The following TLK2 variants were observed in gnomAD, a reference collection of about 807,000 sequenced individuals.
The protein encoded by TLK2 is tousled like kinase 2.
In TLK2, 6 loss-of-function variants were observed where a neutral mutation model predicts 117.3. That is an observed-to-expected ratio of 0.05 (90% CI 0.03 to 0.10). TLK2 has a LOEUF of 0.10. Among genes scored for constraint, TLK2 ranks in the 10% least tolerant of loss-of-function variants. The pLI is 1.00. For synonymous variants in TLK2, 257 were observed against 316.7 expected (o/e 0.81, Z 2.00); for missense variants, 299 against 901.2 (o/e 0.33, Z 8.56).
intron 16 of TLK2, among the ~76,000 whole-genome samples, chr17:62,595,886 C>T (rs1429756137): frequency 6.6e-6 from 1 of 151,972 alleles, no homozygotes; most frequent in African/African-American, 2.4e-5. Flanking sequence ...TGATGTTACC[C>T]GAGCATATAT....
At chr17:62,586,367 T>G in intron 16 of TLK2, 141 bp downstream of exon 16, 1 of 626,592 alleles carries the variant, frequency 1.6e-6, no homozygotes, top group Non-Finnish European at 2.8e-6. Flanking sequence ...AAATACATTC[T>G]CAGTGTTACG....
chr17:62,573,508 C>A, intron 12 of TLK2, 141 bp downstream of exon 12: 1 of 1,164,472 alleles, frequency 8.6e-7, no homozygotes. Flanking sequence ...TGGATTTGCT[C>A]AACTCATATA....
At chr17:62,550,622 G>A (rs2078380018) in intron 7 of TLK2, 1 of 152,120 alleles carries the variant, frequency 6.6e-6, no homozygotes. Context: ...TGAGGCTGTT[G>A]TGAGCCTTCA....
At chr17:62,478,553 G>GCGCCGCCCGT (rs1435939321), upstream of TLK2, among the ~76,000 whole-genome samples, 16 of 150,194 alleles carry the variant, frequency 1.1e-4, no homozygotes, top group African/African-American at 3.6e-4. Flanking sequence ...CCGTCAGCCG[G>GCGCCGCCCGT]CGCCGCCCGT....
chr17:62,502,963 C>T (rs1434808235), intron 2 of TLK2, among the ~76,000 whole-genome samples: 1 of 151,214 alleles, frequency 6.6e-6, no homozygotes, highest in Non-Finnish European at 1.5e-5. Flanking sequence ...TGAATAAAAA[C>T]ATTGACCCGT....
intron 11 of TLK2, among the ~76,000 whole-genome samples, chr17:62,565,864 A>G (rs2079743968): frequency 6.6e-6 from 1 of 152,204 alleles, no homozygotes; most frequent in Admixed American, 6.5e-5. Context: ...AAGTTTAGGT[A>G]TAAAGCAGAA....
intron 7 of TLK2, among the ~76,000 whole-genome samples, chr17:62,541,125 G>C (rs535324674): frequency 1.6e-4 from 25 of 152,102 alleles, no homozygotes; most frequent in Admixed American, 1.2e-3. Flanking sequence ...TACCCTATTA[G>C]AGAGGCCTAC....
chr17:62,553,581 C>G (rs1210887882), intron 8 of TLK2, 82 bp from the exon 9 acceptor site: 14 of 969,772 alleles, frequency 1.4e-5, no homozygotes, highest in South Asian at 1.1e-4. Flanking sequence ...TCCCACCCCC[C>G]CGAGAAAGGT....
upstream of TLK2, among the ~76,000 whole-genome samples, chr17:62,476,583 CAAAATAAAAT>C (rs59524481): frequency 3.4e-5 from 5 of 146,928 alleles, no homozygotes; most frequent in South Asian, 6.7e-4. Flanking sequence ...ACTCTGTCAC[CAAAATAAAAT>C]AAAATAAAAT....
intron 2 of TLK2, among the ~76,000 whole-genome samples, chr17:62,498,707 A>G (rs1176716878): frequency 6.6e-6 from 1 of 151,948 alleles, no homozygotes; most frequent in Non-Finnish European, 1.5e-5. Flanking sequence ...TGTCTTTTTT[A>G]CTGTATTATT....
At chr17:62,523,458 T>C (rs931050027) in intron 5 of TLK2, among the ~76,000 whole-genome samples, 16 of 152,214 alleles carry the variant, frequency 1.1e-4, no homozygotes, top group Non-Finnish European at 2.1e-4. Context: ...CACACACTTA[T>C]AGTCCTGGCT....
intron 2 of TLK2, among the ~76,000 whole-genome samples, chr17:62,489,291 TC>T (rs930233506): frequency 6.6e-6 from 1 of 151,626 alleles, no homozygotes; most frequent in African/African-American, 2.4e-5. Context: ...ACCTCTGCCT[TC>T]TGGGCTCAAG....
At chr17:62,546,821 A>G (rs2077985788) in intron 7 of TLK2, among the ~76,000 whole-genome samples, 1 of 151,552 alleles carries the variant, frequency 6.6e-6, no homozygotes, top group Admixed American at 6.6e-5. Flanking sequence ...CGGCCTCCCA[A>G]AGTGCTGGGA....
At chr17:62,581,386 AG>A (rs1334760267) in intron 15 of TLK2, among the ~76,000 whole-genome samples, 1 of 151,810 alleles carries the variant, frequency 6.6e-6, no homozygotes, top group Non-Finnish European at 1.5e-5. Flanking sequence ...GTTCATCTCC[AG>A]AACTATATTA....
chr17:62,503,801 T>TCACTG (rs1329290750), intron 2 of TLK2, among the ~76,000 whole-genome samples: 1 of 149,372 alleles, frequency 6.7e-6, no homozygotes, highest in Non-Finnish European at 1.5e-5. Context: ...TGATCTCAGC[T>TCACTG]CACTGCAGCC....
Position 62,606,227 on chromosome 17 carries a change from C to G in TLK2, c.1957C>G (p.Leu653Val). 6.3e-7 allele frequency: 1 copy of G among 1,585,780 alleles called. No homozygotes were observed. Among genetic ancestry groups the G allele is most frequent in the Non-Finnish European group, 8.6e-7 (1 of 1,162,200 alleles). ...GGTGGGTGTGATCTTCTATCAGTGT[C>G]TTTATGGAAGGAAGGTAAGTTAGAA... ...WSVGVIFYQC[L>V]YGRKPFGHNQ... Residue 653 changes from leucine (L) to valine (V), a missense_variant, in exon 20 of 22, where the codon CTT becomes GTT. Coordinates refer to ENST00000346027, the MANE Select transcript of TLK2 (RefSeq NM_006852.6).
intron 7 of TLK2, chr17:62,550,311 C>T (rs549577472): frequency 6.6e-6 from 1 of 152,358 alleles, no homozygotes; most frequent in East Asian, 1.9e-4. Context: ...AGGTTTATCC[C>T]TGACCCTCTA....
At chr17:62,472,768 G>A (rs2070966094) in intron 1 of TLK2, among the ~76,000 whole-genome samples, 1 of 151,340 alleles carries the variant, frequency 6.6e-6, no homozygotes. Flanking sequence ...GAGGTGGGCA[G>A]TCAGGAGAGA....
At position 62,524,292 on chromosome 17, in the gene TLK2, A is replaced by G; in HGVS notation, c.324A>G (p.Ala108=). The change falls in exon 6 of 22, where the codon GCA becomes GCG. Residue 108 remains alanine (A), a synonymous_variant. Transcript: ENST00000346027. ...CTGGCAGAAGTGTTCCACCAGTTGC[A>G]CGATCCTCACCGCAACATTCCTTAT... is the stretch of plus-strand genomic sequence containing the variant. ...TSPGRSVPPV[A]RSSPQHSLSN... 1.2e-6 allele frequency: 2 copies of G among 1,613,776 alleles called. No homozygotes were observed. Among genetic ancestry groups the G allele is most frequent in the Non-Finnish European group, 1.7e-6 (2 of 1,179,842 alleles).
Sources: gnomAD v4.1 joint callset for allele counts (sites outside exome capture counted in the v4.1 genomes callset) on GRCh38, gnomAD v4.1.1 for gene constraint, MANE v1.5 for transcripts, NCBI Gene and HGNC (gene_info 2026-07-23, HGNC 2026-07-21) for gene names.